Variants in KHDRBS2 observed in about 807,000 individuals in gnomAD.
The protein encoded by KHDRBS2 is KH RNA binding domain containing, signal transduction associated 2, also known as KH domain-containing, RNA-binding, signal transduction-associated protein 2.
Under a neutral mutation model 44.3 loss-of-function variants are expected in KHDRBS2, and 26 were observed. The observed-to-expected ratio is 0.59, with a 90% CI of 0.43 to 0.81. KHDRBS2 has a LOEUF of 0.81. Among genes scored for constraint, KHDRBS2 ranks in the 40% least tolerant of loss-of-function variants. The pLI is 0.00. For missense variants in KHDRBS2, 476 were observed against 433.1 expected (o/e 1.10, Z -0.88); for synonymous variants, 194 against 151.1 (o/e 1.28, Z -2.08).
chr6:62,206,708 T>G (rs1316057372), intron 1 of KHDRBS2, among the ~76,000 whole-genome samples: 6 of 152,112 alleles, frequency 3.9e-5, no homozygotes, highest in Admixed American at 1.3e-4. Flanking sequence ...CTATATCTGT[T>G]TTTCTGTCCC....
the KHDRBS2 span, among the ~76,000 whole-genome samples, chr6:61,595,742 C>A: frequency 2.0e-5 from 3 of 151,636 alleles, no homozygotes; most frequent in Non-Finnish European, 2.9e-5. Flanking sequence ...ATTAACAGAT[C>A]TAAGTTTAGC....
At chr6:61,902,238 C>T (rs1164072479) in intron 4 of KHDRBS2, among the ~76,000 whole-genome samples, 3 of 152,142 alleles carry the variant, frequency 2.0e-5, no homozygotes, top group Non-Finnish European at 4.4e-5. Flanking sequence ...CATGAGCCAT[C>T]GTGTCTGGCC....
intron 2 of KHDRBS2, among the ~76,000 whole-genome samples, chr6:62,065,216 T>G (rs974958485): frequency 1.3e-5 from 2 of 152,118 alleles, no homozygotes; most frequent in African/African-American, 2.4e-5. Context: ...ATTGTGGAAG[T>G]CAGTGTGGCC....
chr6:61,911,254 T>C (rs1217558285), intron 4 of KHDRBS2, among the ~76,000 whole-genome samples: 2 of 152,188 alleles, frequency 1.3e-5, no homozygotes, highest in East Asian at 3.9e-4. Flanking sequence ...TGTTTTTAAG[T>C]TCCTGAAGGA....
chr6:61,602,546 C>T, the KHDRBS2 span, among the ~76,000 whole-genome samples: 3 of 152,170 alleles, frequency 2.0e-5, no homozygotes, highest in Non-Finnish European at 4.4e-5. Context: ...TGACTCCTTC[C>T]CAGATCTTCT....
intron 1 of KHDRBS2, among the ~76,000 whole-genome samples, chr6:62,218,427 T>C (rs1275207677): frequency 6.6e-6 from 1 of 151,470 alleles, no homozygotes; most frequent in Non-Finnish European, 1.5e-5. Flanking sequence ...AAAGATAACA[T>C]GACATGAACA....
the KHDRBS2 span, among the ~76,000 whole-genome samples, chr6:61,551,189 CT>C: frequency 6.6e-6 from 1 of 152,034 alleles, no homozygotes; most frequent in African/African-American, 2.4e-5. Context: ...GTCTGTTGTC[CT>C]CTGACCTTTT....
intron 2 of KHDRBS2, among the ~76,000 whole-genome samples, chr6:62,093,584 A>G (rs1799903444): frequency 6.6e-6 from 1 of 151,974 alleles, no homozygotes. Flanking sequence ...ATGCAATGGA[A>G]CACCAGAATT....
intron 2 of KHDRBS2, among the ~76,000 whole-genome samples, chr6:62,073,472 T>G (rs182131182): frequency 6.6e-6 from 1 of 151,350 alleles, no homozygotes; most frequent in South Asian, 2.1e-4. Flanking sequence ...AATTGTTTGC[T>G]AATTTTGCTC....
chr6:61,892,564 A>G (rs1431401818), intron 6 of KHDRBS2, among the ~76,000 whole-genome samples: 1 of 152,198 alleles, frequency 6.6e-6, no homozygotes, highest in African/African-American at 2.4e-5. Flanking sequence ...ATACAGACCA[A>G]TGGAACAGAA....
chr6:62,099,442 A>T (rs1056059921), intron 2 of KHDRBS2, among the ~76,000 whole-genome samples: 4 of 152,150 alleles, frequency 2.6e-5, no homozygotes, highest in African/African-American at 9.7e-5. Context: ...GCCTAGGTTT[A>T]TCCCATATCC....
intron 6 of KHDRBS2, among the ~76,000 whole-genome samples, chr6:61,783,494 GA>G (rs1783337556): frequency 6.6e-6 from 1 of 151,906 alleles, no homozygotes; most frequent in Non-Finnish European, 1.5e-5. Flanking sequence ...ATTTACTGAA[GA>G]AAGAAAATAC....
At chr6:61,576,468 G>A in the KHDRBS2 span, among the ~76,000 whole-genome samples, 1 of 152,094 alleles carries the variant, frequency 6.6e-6, no homozygotes, top group Non-Finnish European at 1.5e-5. Context: ...GGAGCCTTGT[G>A]GAGGAGTCTT....
At chr6:62,129,631 C>T (rs1300488116) in intron 2 of KHDRBS2, among the ~76,000 whole-genome samples, 1 of 152,058 alleles carries the variant, frequency 6.6e-6, no homozygotes, top group Non-Finnish European at 1.5e-5. Flanking sequence ...CTTTAAGGTG[C>T]TTTACTGAAC....
chr6:61,642,595 A>G, the KHDRBS2 span, among the ~76,000 whole-genome samples: 3 of 150,994 alleles, frequency 2.0e-5, no homozygotes, highest in Admixed American at 2.0e-4. Context: ...CTGGGAGCAG[A>G]GGTTGCAGTG....
intron 2 of KHDRBS2, among the ~76,000 whole-genome samples, chr6:62,066,616 ATC>A (rs1170752144): frequency 1.3e-5 from 2 of 151,654 alleles, no homozygotes; most frequent in African/African-American, 2.4e-5. Flanking sequence ...GAAGTTTTCC[ATC>A]TCTATATAAT....
At chr6:62,081,784 G>A (rs1797446864) in intron 2 of KHDRBS2, among the ~76,000 whole-genome samples, 1 of 151,620 alleles carries the variant, frequency 6.6e-6, no homozygotes, top group Admixed American at 6.6e-5. Flanking sequence ...TTATCAGCAT[G>A]GTTTGTTATT....
At chr6:62,127,851 T>C (rs1809335913) in intron 2 of KHDRBS2, among the ~76,000 whole-genome samples, 1 of 152,194 alleles carries the variant, frequency 6.6e-6, no homozygotes, top group South Asian at 2.1e-4. Flanking sequence ...CATTCAGTGA[T>C]TGATCAATTC....
intron 6 of KHDRBS2, among the ~76,000 whole-genome samples, chr6:61,808,442 T>C (rs1456281521): frequency 2.6e-5 from 4 of 152,118 alleles, no homozygotes; most frequent in Non-Finnish European, 2.9e-5. Context: ...TTAAATACAT[T>C]TATTACTAGA....
Sources: gnomAD v4.1 joint callset for allele counts (sites outside exome capture counted in the v4.1 genomes callset) on GRCh38, gnomAD v4.1.1 for gene constraint, MANE v1.5 for transcripts, NCBI Gene and HGNC (gene_info 2026-07-23, HGNC 2026-07-21) for gene names.